The following CD109 variants were observed in gnomAD, a reference collection of about 807,000 sequenced individuals.
CD109 encodes CD109 antigen.
Under a neutral mutation model 165.8 loss-of-function variants are expected in CD109, and 149 were observed. The observed-to-expected ratio is 0.90, with a 90% confidence interval of 0.79 to 1.03. The LOEUF (loss-of-function observed/expected upper bound fraction) is 1.03. Ranked by LOEUF, CD109 falls within the 50% of genes least tolerant of loss-of-function variation. CD109 has a pLI of 0.00. For missense variants in CD109, 1,712 were observed against 1,677.8 expected (o/e 1.02, Z -0.36); for synonymous variants, 585 against 592.1 (o/e 0.99, Z 0.18).
chr6:73,715,215 G>A (rs981984888), intron 2 of CD109, among the ~76,000 whole-genome samples: 41 of 152,084 alleles, frequency 2.7e-4, no homozygotes, highest in East Asian at 1.9e-4. Flanking sequence ...AGCTGAGATC[G>A]TGCCACTGCA....
At position 73,708,165 on chromosome 6, in the gene CD109, C is replaced by G. The variant is rs143135810; in HGVS notation, c.247+10593C>G. Among the ~76,000 whole-genome samples the G allele has an allele frequency of 3.7e-3, 560 of 152,044 alleles. 2 individuals are homozygous for G. Among genetic ancestry groups the G allele is most frequent in the Admixed American group, 5.4e-3 (82 of 15,270 alleles). On this transcript the variant is annotated intron_variant, in intron 2 of 32. Coordinates refer to ENST00000287097, the MANE Select transcript of CD109 (RefSeq NM_133493.5). The stretch of plus-strand genomic sequence containing the variant: ...CCTTCCCCCTTCCCCCATCCCACGA[C>G]AGGCCCCGGTGTGTGATGTTCCCCG...
At chr6:73,808,665 T>C (rs1354521007) in intron 26 of CD109, among the ~76,000 whole-genome samples, 2 of 152,162 alleles carry the variant, frequency 1.3e-5, no homozygotes, top group South Asian at 4.1e-4. Flanking sequence ...GAGGATTAAA[T>C]GAGATAATGT....
chr6:73,804,070 A>C (rs1775481143), intron 24 of CD109: 1 of 152,332 alleles, frequency 6.6e-6, no homozygotes, highest in South Asian at 2.1e-4. Context: ...TGGCAATTAG[A>C]GACTTCATCC....
chr6:73,767,517 CTT>C (rs887579701), intron 13 of CD109, among the ~76,000 whole-genome samples: 1 of 152,120 alleles, frequency 6.6e-6, no homozygotes, highest in African/African-American at 2.4e-5. Flanking sequence ...CTACACTAAA[CTT>C]ATTAATTTTT....
chr6:73,814,913 G>A (rs1775882143), intron 29 of CD109, 68 bp from the exon 30 acceptor site: 1 of 1,182,436 alleles, frequency 8.5e-7, no homozygotes, highest in East Asian at 2.8e-5. Flanking sequence ...ACCTAATACA[G>A]TATTTAGAAG....
chr6:73,786,680 T>G (rs1456530518), intron 20 of CD109, among the ~76,000 whole-genome samples: 1 of 152,118 alleles, frequency 6.6e-6, no homozygotes, highest in Non-Finnish European at 1.5e-5. Context: ...TTCGTAAAAT[T>G]TAAGGCCTAG....
At position 73,823,799 on chromosome 6, in the gene CD109, G is replaced by T. The variant is rs1776186106; in HGVS notation, c.*166G>T. On this transcript the variant is annotated 3_prime_UTR_variant, in exon 33 of 33. Transcript: ENST00000287097. ...AGGTCCTAGCATGTATAGCTGCATA[G>T]ATTTCTTCACCTGATCTTTGTGTGG... The T allele has an allele frequency of 2.0e-6, 1 of 491,204 alleles. No homozygotes were observed. Among genetic ancestry groups the T allele is most frequent in the African/African-American group, 1.9e-5 (1 of 52,536 alleles). The allele number at this position is 491,204 out of a possible 1,614,324, so 30.4% of individuals were successfully genotyped here.
At chr6:73,679,418 G>A in the CD109 span, among the ~76,000 whole-genome samples, 1 of 151,796 alleles carries the variant, frequency 6.6e-6, no homozygotes, top group Non-Finnish European at 1.5e-5. Flanking sequence ...AAAGGTTTTA[G>A]AGCCCACTTC....
At chr6:73,812,900 T>G (rs1156652234) in intron 29 of CD109, among the ~76,000 whole-genome samples, 2 of 152,066 alleles carry the variant, frequency 1.3e-5, no homozygotes, top group Non-Finnish European at 2.9e-5. Context: ...CCAAAAATGG[T>G]TGTGTGCTTG....
At chr6:73,785,822 C>A (rs976239584) in intron 20 of CD109, among the ~76,000 whole-genome samples, 1 of 151,124 alleles carries the variant, frequency 6.6e-6, no homozygotes, top group South Asian at 2.1e-4. Flanking sequence ...CTTCTCACTG[C>A]CACTCTGTGC....
intron 2 of CD109, among the ~76,000 whole-genome samples, chr6:73,721,003 T>G (rs1044840742): frequency 6.6e-6 from 1 of 152,210 alleles, no homozygotes; most frequent in African/African-American, 2.4e-5. Context: ...TCCTACAACC[T>G]TAGACACTGG....
intron 5 of CD109, among the ~76,000 whole-genome samples, chr6:73,753,840 A>G (rs1196386595): frequency 6.6e-6 from 1 of 152,208 alleles, no homozygotes; most frequent in Non-Finnish European, 1.5e-5. Flanking sequence ...CTGCCTGATA[A>G]CTGAGGCTGA....
intron 5 of CD109, among the ~76,000 whole-genome samples, chr6:73,740,391 C>G (rs1327886499): frequency 1.3e-5 from 2 of 152,088 alleles, no homozygotes; most frequent in Admixed American, 6.5e-5. Flanking sequence ...CTTGACGGCT[C>G]CTTGGCATTT....
intron 7 of CD109, among the ~76,000 whole-genome samples, chr6:73,761,226 A>C (rs144042596): frequency 6.0e-4 from 91 of 152,356 alleles, no homozygotes; most frequent in African/African-American, 2.1e-3. Flanking sequence ...AACATGTAGC[A>C]ATAGACCATG....
intron 23 of CD109, among the ~76,000 whole-genome samples, chr6:73,797,986 G>A (rs1775226542): frequency 6.6e-6 from 1 of 152,114 alleles, no homozygotes; most frequent in African/African-American, 2.4e-5. Flanking sequence ...ATAAACTTTT[G>A]GAGAGAGCTA....
chr6:73,705,196 T>C (rs1771220631), intron 2 of CD109, among the ~76,000 whole-genome samples: 1 of 152,096 alleles, frequency 6.6e-6, no homozygotes, highest in Non-Finnish European at 1.5e-5. Flanking sequence ...AGTTTTGAAA[T>C]TGCAGCTGGG....
At chr6:73,782,573 C>T (rs375932874) in intron 17 of CD109, 41 bp from the exon 18 acceptor site, 19 of 1,588,374 alleles carry the variant, frequency 1.2e-5, no homozygotes, top group Non-Finnish European at 1.5e-5. Flanking sequence ...TCATTCTCTC[C>T]AGTGACTGTT....
rs116069586 is a variant in CD109 at position 73,759,654 on chromosome 6, G to A, written c.758+626G>A. On this transcript the variant is annotated intron_variant, in intron 7 of 32. Transcript: ENST00000287097. ...TAAAGTCAAAATTAAAAATTTTTAT[G>A]TCTGAGAGTACTTTAAATTATATTT... 8.4e-3 allele frequency among the ~76,000 whole-genome samples: 1,282 copies of A among 152,270 alleles called. 24 individuals are homozygous for A. The highest frequency in any genetic ancestry group is 0.029 in the African/African-American group (1,218 of 41,538).
rs1009962438 is a variant in CD109, at chr6:73,823,594, C to T, written c.4299C>T (p.Phe1433=). The change falls in exon 33 of 33, where the codon TTC becomes TTT. Residue 1433 remains phenylalanine (F), a synonymous_variant. Coordinates refer to ENST00000287097, the MANE Select transcript of CD109 (RefSeq NM_133493.5). ...SHHHSSVIFI[F]CFKLLYFMEL... ...ATCACTCTTCAGTCATTTTTATTTT[C>T]TGTTTCAAGCTTCTGTACTTTATGG... 2.5e-6 allele frequency: 4 copies of T among 1,612,762 alleles called. No homozygotes were observed. The highest frequency in any genetic ancestry group is 1.3e-5 in the African/African-American group (1 of 74,908).
Sources: gnomAD v4.1 joint callset for allele counts (sites outside exome capture counted in the v4.1 genomes callset) on GRCh38, gnomAD v4.1.1 for gene constraint, MANE v1.5 for transcripts, NCBI Gene and HGNC (gene_info 2026-07-23, HGNC 2026-07-21) for gene names.